Variants in SLC25A13 observed in about 807,000 individuals in gnomAD.
SLC25A13 encodes electrogenic aspartate/glutamate antiporter SLC25A13, mitochondrial.
A neutral mutation model predicts 85.5 loss-of-function variants in SLC25A13; 70 were observed. The ratio of observed to expected loss-of-function variants is 0.82; its 90% CI spans 0.68 to 1.00. The LOEUF (loss-of-function observed/expected upper bound fraction) is 1.00, where lower values mean the gene tolerates loss of function less well. Ranked by LOEUF, SLC25A13 falls within the 50% of genes least tolerant of loss-of-function variation. The pLI is 0.00. For missense variants in SLC25A13, 765 were observed against 819.8 expected, an observed-to-expected ratio of 0.93 and a Z score of 0.82; for synonymous variants, 259 against 288.7, an observed-to-expected ratio of 0.90 and a Z score of 1.04.
intron 1 of SLC25A13, among the ~76,000 whole-genome samples, chr7:96,320,031 G>A (rs1229006440): frequency 1.3e-5 from 2 of 152,176 alleles, no homozygotes; most frequent in African/African-American, 2.4e-5. Context: ...TTGAGACAGG[G>A]TCTTGCTCTG....
Position 96,120,674 on chromosome 7 carries a change from T to C in SLC25A13, c.*517A>G, listed in dbSNP as rs886062523. 6.6e-6 allele frequency: 3 copies of C among 454,432 alleles called. No individual in the cohort carries two copies. The highest frequency in any genetic ancestry group is 2.0e-5 in the African/African-American group (1 of 50,018). The allele number at this position is 454,432 out of a possible 1,614,324, so 28.1% of individuals were successfully genotyped here. A position where few individuals can be genotyped will look rare whatever the true frequency, so the allele number is the denominator to read the frequency against. The stretch of plus-strand genomic sequence containing the variant: ...TGTTTCACATAAAAGCTTCATAATA[T>C]AATCCAGAGACAGAATTTGTGCATG... On this transcript the variant is annotated 3_prime_UTR_variant, in exon 18 of 18. Transcript: ENST00000265631.
At chr7:96,125,925 A>C (rs937667805) in intron 15 of SLC25A13, among the ~76,000 whole-genome samples, 6 of 152,138 alleles carry the variant, frequency 3.9e-5, no homozygotes, top group Admixed American at 2.6e-4. Flanking sequence ...GAGGACTCTA[A>C]TTAATTATAT....
At chr7:96,184,105 T>A (rs1384672553) in intron 11 of SLC25A13, among the ~76,000 whole-genome samples, 172 bp downstream of exon 11, 1 of 152,254 alleles carries the variant, frequency 6.6e-6, no homozygotes, top group Non-Finnish European at 1.5e-5. Flanking sequence ...TGGGCTGTTT[T>A]GATTAGCCAA....
At chr7:96,150,480 T>C (rs932304300) in intron 13 of SLC25A13, among the ~76,000 whole-genome samples, 1 of 152,202 alleles carries the variant, frequency 6.6e-6, no homozygotes, top group Non-Finnish European at 1.5e-5. Context: ...GCAACTGTTA[T>C]GGGCTGAACT....
intron 3 of SLC25A13, among the ~76,000 whole-genome samples, chr7:96,268,421 G>T (rs1240601855): frequency 6.6e-6 from 1 of 152,050 alleles, no homozygotes; most frequent in Non-Finnish European, 1.5e-5. Context: ...GTACAGTAAG[G>T]TCTAGGCCCT....
chr7:96,219,509 G>T (rs530782839), intron 4 of SLC25A13, among the ~76,000 whole-genome samples: 2 of 152,270 alleles, frequency 1.3e-5, no homozygotes, highest in African/African-American at 4.8e-5. Context: ...TGATTCTTAT[G>T]AAACTAGTCA....
chr7:96,283,684 GA>G, intron 2 of SLC25A13: 2 of 291,650 alleles, frequency 6.9e-6, no homozygotes, highest in East Asian at 1.1e-4. Context: ...AATGCATGAA[GA>G]AAAATGATCA....
At chr7:96,258,929 A>T (rs1797743123) in intron 3 of SLC25A13, among the ~76,000 whole-genome samples, 1 of 152,216 alleles carries the variant, frequency 6.6e-6, no homozygotes, top group Non-Finnish European at 1.5e-5. Flanking sequence ...CAACCATCTG[A>T]TCTTTGACAA....
At chr7:96,180,193 C>T (rs535879320) in intron 11 of SLC25A13, among the ~76,000 whole-genome samples, 3 of 151,698 alleles carry the variant, frequency 2.0e-5, no homozygotes, top group South Asian at 2.1e-4. Context: ...TTGCCAATTT[C>T]CTCAAAGGTT....
intron 2 of SLC25A13, chr7:96,283,518 C>A: frequency 2.6e-6 from 1 of 382,662 alleles, no homozygotes; most frequent in South Asian, 2.3e-5. Flanking sequence ...GAATGCTTTA[C>A]AAGTGTTACC....
Position 96,277,328 on chromosome 7 carries a change from A to C in SLC25A13, c.80T>G (p.Ile27Ser), listed in dbSNP as rs774203119. The change falls in exon 3 of 18, where the codon ATT becomes AGT. Residue 27 changes from isoleucine to serine, a missense_variant. By Grantham distance (142) the Ile-to-Ser change is moderately radical. Transcript: ENST00000265631. ...LRTIFLKYAS[I>S]EKNGEFFMSP... is the part of the protein sequence containing the mutation. ...CATGAAAAATTCACCGTTTTTCTCA[A>C]TGCTTGCATACTGTTTAAAAAAAAG... 2.5e-6 allele frequency: 4 copies of C among 1,612,664 alleles called. 1 individual carries two copies. The highest frequency in any genetic ancestry group is 3.4e-6 in the Non-Finnish European group (4 of 1,179,286).
chr7:96,310,299 A>C (rs1231631777), intron 1 of SLC25A13, among the ~76,000 whole-genome samples: 4 of 152,142 alleles, frequency 2.6e-5, no homozygotes, highest in Non-Finnish European at 4.4e-5. Context: ...TTCTTCATTC[A>C]TAACACTGAC....
chr7:96,173,870 A>G (rs1206538040), intron 11 of SLC25A13, among the ~76,000 whole-genome samples: 5 of 152,208 alleles, frequency 3.3e-5, no homozygotes, highest in African/African-American at 1.2e-4. Context: ...GCCAATTAGG[A>G]TGCCTTCTCC....
intron 5 of SLC25A13, among the ~76,000 whole-genome samples, chr7:96,199,954 C>A (rs1010860328): frequency 2.0e-5 from 3 of 151,966 alleles, no homozygotes; most frequent in Non-Finnish European, 4.4e-5. Flanking sequence ...TTCAGACATG[C>A]AAGTTTGTGC....
At chr7:96,302,228 G>T (rs999916185) in intron 1 of SLC25A13, among the ~76,000 whole-genome samples, 1 of 152,102 alleles carries the variant, frequency 6.6e-6, no homozygotes. Context: ...AAAAAGGCAG[G>T]GGGTAGGGGA....
At chr7:96,122,074 G>C in intron 15 of SLC25A13, 77 bp from the exon 16 acceptor site, 1 of 1,581,954 alleles carries the variant, frequency 6.3e-7, no homozygotes, top group Non-Finnish European at 8.7e-7. Flanking sequence ...TGAACTGCTG[G>C]CCGTGGAAAG....
At chr7:96,197,000 G>C (rs1795088065) in intron 5 of SLC25A13, among the ~76,000 whole-genome samples, 1 of 152,124 alleles carries the variant, frequency 6.6e-6, no homozygotes, top group African/African-American at 2.4e-5. Flanking sequence ...CTATAAGGTA[G>C]GTACTATTAT....
intron 5 of SLC25A13, among the ~76,000 whole-genome samples, chr7:96,204,173 A>T (rs925613737): frequency 1.3e-5 from 2 of 152,262 alleles, no homozygotes; most frequent in African/African-American, 4.8e-5. Flanking sequence ...TGTGATAATG[A>T]TAATCACCTT....
intron 13 of SLC25A13, among the ~76,000 whole-genome samples, chr7:96,154,294 C>CT (rs1161443008): frequency 0.069 from 8,709 of 125,508 alleles, 340 homozygotes; most frequent in South Asian, 0.13. Context: ...CACTGAGTGT[C>CT]TTTTTTTTTT....
Sources: gnomAD v4.1 joint callset for allele counts (sites outside exome capture counted in the v4.1 genomes callset) on GRCh38, gnomAD v4.1.1 for gene constraint, MANE v1.5 for transcripts, NCBI Gene and HGNC (gene_info 2026-07-23, HGNC 2026-07-21) for gene names.